The following USP34 variants were observed in gnomAD, a reference collection of about 807,000 sequenced individuals.
USP34 encodes the protein ubiquitin specific peptidase 34.
A neutral mutation model predicts 460.3 loss-of-function variants in USP34; 70 were observed. That is an observed-to-expected ratio of 0.15 (90% CI 0.13 to 0.19). The LOEUF (loss-of-function observed/expected upper bound fraction) is 0.19. Among genes scored for constraint, USP34 ranks in the 10% least tolerant of loss-of-function variants. The pLI, the probability that USP34 is intolerant of heterozygous loss-of-function variation, is 1.00. For missense variants in USP34, 3,985 were observed against 4,236.2 expected, an observed-to-expected ratio of 0.94 and a Z score of 1.65; for synonymous variants, 1,647 against 1,405.3, an observed-to-expected ratio of 1.17 and a Z score of -3.85.
intron 1 of USP34, among the ~76,000 whole-genome samples, chr2:61,444,444 G>A (rs373776383): frequency 6.6e-6 from 1 of 151,928 alleles, no homozygotes; most frequent in Non-Finnish European, 1.5e-5. Flanking sequence ...ATAGAAGAAA[G>A]CAAAAGAGAG....
intron 1 of USP34, among the ~76,000 whole-genome samples, chr2:61,434,995 T>G (rs1274437154): frequency 6.6e-6 from 1 of 152,042 alleles, no homozygotes; most frequent in Non-Finnish European, 1.5e-5. Flanking sequence ...AAATAATTCA[T>G]GATTTTAATG....
Position 61,325,403 on chromosome 2 carries a change from A to G in USP34, c.2985T>C (p.Phe995=). 1 of 1,557,650 alleles carries G rather than the reference A, an allele frequency of 6.4e-7. No homozygotes were observed. The highest frequency in any genetic ancestry group is 8.6e-7 in the Non-Finnish European group (1 of 1,161,218). Residue 995 remains phenylalanine (F), a synonymous_variant, in exon 21 of 80, where the codon TTT becomes TTC. Coordinates refer to ENST00000398571, the MANE Select transcript of USP34 (RefSeq NM_014709.4). ...AATGATCAGGTGATCCCAGAGTTGA[A>G]AATACACAAGTCAAGAATTGAAGAC... ...QVRLQFLTCV[F]STLGSPDHFR...
intron 21 of USP34, among the ~76,000 whole-genome samples, chr2:61,324,631 T>C (rs1340359029): frequency 3.3e-5 from 5 of 152,108 alleles, no homozygotes; most frequent in African/African-American, 1.2e-4. Flanking sequence ...AAAAATTAGC[T>C]GGCTATGGTG....
Position 61,258,001 on chromosome 2 carries a change from G to C in USP34, c.5845-651C>G, listed in dbSNP as rs553811869. Reference sequence around the variant, plus strand: ...CTTTGTTTTAATAGCTTTTAAAATAGTCATTTAAACCAGCAATTTTCTATT... The same window carrying C: ...CTTTGTTTTAATAGCTTTTAAAATACTCATTTAAACCAGCAATTTTCTATT... On this transcript the variant is annotated intron_variant, in intron 44 of 79. Coordinates refer to ENST00000398571, the MANE Select transcript of USP34 (RefSeq NM_014709.4). 3.9e-5 allele frequency among the ~76,000 whole-genome samples: 6 copies of C among 152,260 alleles called. No homozygotes were observed. In the South Asian group the frequency reaches 1.2e-3, roughly 32 times the overall value.
chr2:61,252,055 T>C (rs933467399), intron 48 of USP34, among the ~76,000 whole-genome samples: 1 of 151,820 alleles, frequency 6.6e-6, no homozygotes, highest in African/African-American at 2.4e-5. Flanking sequence ...AATGTTATGG[T>C]AGACTACGGT....
chr2:61,316,609 G>A (rs1482472602), intron 23 of USP34, among the ~76,000 whole-genome samples: 6 of 140,810 alleles, frequency 4.3e-5, no homozygotes, highest in Non-Finnish European at 1.5e-5. Flanking sequence ...TAATGGCCTG[G>A]TGCAGTGGCT....
At chr2:61,455,100 T>G (rs545521470) in intron 1 of USP34, among the ~76,000 whole-genome samples, 1 of 152,102 alleles carries the variant, frequency 6.6e-6, no homozygotes, top group South Asian at 2.1e-4. Flanking sequence ...CAGTCTGGTA[T>G]TGAACTCCTG....
At chr2:61,414,188 G>C (rs1345488537) in intron 2 of USP34, among the ~76,000 whole-genome samples, 1 of 151,772 alleles carries the variant, frequency 6.6e-6, no homozygotes, top group African/African-American at 2.4e-5. Context: ...CCAGGAGGCA[G>C]AGGATGCCGA....
chr2:61,209,902 TG>T (rs1260378409), intron 69 of USP34, among the ~76,000 whole-genome samples: 3 of 152,212 alleles, frequency 2.0e-5, no homozygotes, highest in Admixed American at 2.0e-4. Flanking sequence ...CTAGCCTAAT[TG>T]TGTGTGTTTA....
At chr2:61,469,328 TGA>T (rs1695877574) in intron 1 of USP34, among the ~76,000 whole-genome samples, 1 of 152,232 alleles carries the variant, frequency 6.6e-6, no homozygotes, top group South Asian at 2.1e-4. Flanking sequence ...GACTTGTATG[TGA>T]GATATAAAAC....
chr2:61,252,265 C>T (rs1254307538), intron 48 of USP34, among the ~76,000 whole-genome samples: 2 of 152,186 alleles, frequency 1.3e-5, no homozygotes, highest in South Asian at 2.1e-4. Context: ...ATATAAGTTA[C>T]TTAACCTCTC....
intron 1 of USP34, among the ~76,000 whole-genome samples, chr2:61,431,004 T>TA (rs1694660859): frequency 6.6e-6 from 1 of 151,222 alleles, no homozygotes; most frequent in Admixed American, 6.6e-5. Flanking sequence ...CCCTATTCTT[T>TA]AAAAAAAGAA....
At chr2:61,231,754 G>C (rs952981566) in intron 58 of USP34, among the ~76,000 whole-genome samples, 2 of 151,846 alleles carry the variant, frequency 1.3e-5, no homozygotes, top group Non-Finnish European at 2.9e-5. Context: ...GGTGGTGTGT[G>C]CGTGTAGTCC....
At chr2:61,417,343 T>A in intron 2 of USP34, 1 of 623,746 alleles carries the variant, frequency 1.6e-6, no homozygotes, top group Non-Finnish European at 2.9e-6. Flanking sequence ...TGGACCCCCA[T>A]AAGGAAAGGA....
intron 18 of USP34, among the ~76,000 whole-genome samples, chr2:61,338,645 A>G (rs1691498432): frequency 6.6e-6 from 1 of 152,210 alleles, no homozygotes; most frequent in South Asian, 2.1e-4. Context: ...AGAATGGAAC[A>G]CTATCAAAGC....
intron 41 of USP34, among the ~76,000 whole-genome samples, chr2:61,273,300 A>G (rs914974746): frequency 6.6e-6 from 1 of 152,252 alleles, no homozygotes; most frequent in African/African-American, 2.4e-5. Flanking sequence ...ATCTGGAAAT[A>G]TAATACAATC....
chr2:61,244,038 A>AG (rs1394667227), intron 51 of USP34, among the ~76,000 whole-genome samples: 10 of 152,154 alleles, frequency 6.6e-5, no homozygotes, highest in African/African-American at 2.4e-4. Flanking sequence ...AACACCGAGA[A>AG]GCAATAAGGA....
At chr2:61,236,757 TAACTC>T (rs1688081045) in intron 53 of USP34, among the ~76,000 whole-genome samples, 1 of 152,226 alleles carries the variant, frequency 6.6e-6, no homozygotes, top group Admixed American at 6.5e-5. Context: ...GCACAATACT[TAACTC>T]TGGTTAGCAG....
At chr2:61,280,777 A>G (rs555127978) in intron 38 of USP34, among the ~76,000 whole-genome samples, 1 of 152,326 alleles carries the variant, frequency 6.6e-6, no homozygotes, top group South Asian at 2.1e-4. Flanking sequence ...ACTAGAGAAG[A>G]GAGCTCCATT....
Sources: gnomAD v4.1 joint callset for allele counts (sites outside exome capture counted in the v4.1 genomes callset) on GRCh38, gnomAD v4.1.1 for gene constraint, MANE v1.5 for transcripts, NCBI Gene and HGNC (gene_info 2026-07-23, HGNC 2026-07-21) for gene names.